The following BAZ1A variants were observed in gnomAD, a reference collection of about 807,000 sequenced individuals.
BAZ1A encodes bromodomain adjacent to zinc finger domain 1A.
Under a neutral mutation model 185.2 loss-of-function variants are expected in BAZ1A, and 50 were observed. The ratio of observed to expected loss-of-function variants is 0.27; its 90% CI spans 0.22 to 0.34. BAZ1A has a LOEUF of 0.34. Among genes scored for constraint, BAZ1A ranks in the 10% least tolerant of loss-of-function variants. The probability of loss-of-function intolerance (pLI) is 1.00; values close to 1 mark genes in which losing one functional copy is unlikely to be tolerated. For missense variants in BAZ1A, 1,356 were observed against 1,839.9 expected (o/e 0.74, Z 4.81); for synonymous variants, 571 against 615.6 (o/e 0.93, Z 1.07).
At chr14:34,865,651 T>C (rs1407358774) in intron 2 of BAZ1A, among the ~76,000 whole-genome samples, 1 of 152,158 alleles carries the variant, frequency 6.6e-6, no homozygotes, top group Non-Finnish European at 1.5e-5. Context: ...TCTACAGAAA[T>C]AGCATGCATA....
intron 25 of BAZ1A, among the ~76,000 whole-genome samples, chr14:34,757,961 A>T (rs1041441057): frequency 4.0e-5 from 6 of 150,886 alleles, no homozygotes; most frequent in Non-Finnish European, 8.9e-5. Context: ...GTTAGCCAGG[A>T]TGGTCTTGAT....
At chr14:34,782,009 A>T (rs1160148587) in intron 16 of BAZ1A, among the ~76,000 whole-genome samples, 1 of 152,202 alleles carries the variant, frequency 6.6e-6, no homozygotes, top group African/African-American at 2.4e-5. Flanking sequence ...ATTTGTGTAT[A>T]CATTTTTGGA....
At chr14:34,815,651 T>G (rs1396931293) in intron 4 of BAZ1A, among the ~76,000 whole-genome samples, 1 of 152,220 alleles carries the variant, frequency 6.6e-6, no homozygotes, top group Non-Finnish European at 1.5e-5. Flanking sequence ...CTACTTTGAT[T>G]TTACCATAAT....
chr14:34,840,212 G>A (rs969950689), intron 3 of BAZ1A, among the ~76,000 whole-genome samples: 2 of 152,092 alleles, frequency 1.3e-5, no homozygotes, highest in Non-Finnish European at 2.9e-5. Flanking sequence ...TAGAAGAAAA[G>A]CCACAGAGTT....
At chr14:34,790,264 G>A (rs1880756172) in intron 12 of BAZ1A, among the ~76,000 whole-genome samples, 1 of 151,762 alleles carries the variant, frequency 6.6e-6, no homozygotes, top group South Asian at 2.1e-4. Flanking sequence ...AAACTCCCAG[G>A]GTCAAACAAT....
chr14:34,871,919 G>C (rs2042954791), intron 2 of BAZ1A, among the ~76,000 whole-genome samples: 1 of 152,144 alleles, frequency 6.6e-6, no homozygotes, highest in African/African-American at 2.4e-5. Flanking sequence ...TTCCAGAGTT[G>C]TTCCAAAGGT....
chr14:34,859,962 G>A (rs564881401), intron 3 of BAZ1A, among the ~76,000 whole-genome samples: 3 of 152,190 alleles, frequency 2.0e-5, no homozygotes, highest in Admixed American at 6.5e-5. Flanking sequence ...AAGTGATCAT[G>A]GGAACAAAGG....
intron 16 of BAZ1A, 108 bp from the exon 17 acceptor site, chr14:34,780,418 G>A: frequency 9.0e-7 from 1 of 1,106,568 alleles, no homozygotes; most frequent in Non-Finnish European, 1.3e-6. Context: ...TTAGGAAGTA[G>A]TGAACAACAT....
At chr14:34,863,774 A>G (rs1293036826) in intron 2 of BAZ1A, among the ~76,000 whole-genome samples, 1 of 152,226 alleles carries the variant, frequency 6.6e-6, no homozygotes, top group East Asian at 1.9e-4. Context: ...TTCCCTATGG[A>G]GAAAGGAGGG....
chr14:34,870,102 GAGCCACCA>G (rs1370408365), intron 2 of BAZ1A, among the ~76,000 whole-genome samples: 3 of 152,182 alleles, frequency 2.0e-5, no homozygotes, highest in African/African-American at 7.2e-5. Context: ...TTGTTATTTT[GAGCCACCA>G]AGTTTTGGGG....
intron 17 of BAZ1A, 156 bp downstream of exon 17, chr14:34,780,030 C>T (rs1228536273): frequency 2.3e-6 from 2 of 872,548 alleles, no homozygotes; most frequent in Admixed American, 5.6e-5. Context: ...ATTTTTACAA[C>T]TCATCACAGC....
intron 16 of BAZ1A, 43 bp from the exon 17 acceptor site, chr14:34,780,353 A>G (rs748380069): frequency 1.3e-6 from 2 of 1,555,910 alleles, no homozygotes; most frequent in African/African-American, 1.4e-5. Flanking sequence ...ATGAATATAT[A>G]ATTCCATTTA....
At chr14:34,835,673 T>G (rs2042316852) in intron 3 of BAZ1A, among the ~76,000 whole-genome samples, 1 of 151,310 alleles carries the variant, frequency 6.6e-6, no homozygotes, top group South Asian at 2.1e-4. Flanking sequence ...GGAAATAGTT[T>G]TTTTTTTTTT....
At chr14:34,856,573 T>C (rs1347776906) in intron 3 of BAZ1A, among the ~76,000 whole-genome samples, 3 of 152,080 alleles carry the variant, frequency 2.0e-5, no homozygotes, top group Non-Finnish European at 4.4e-5. Context: ...GAAGCAATTA[T>C]GAGGCCGGGT....
At chr14:34,798,458 C>T (rs1352434576) in intron 9 of BAZ1A, among the ~76,000 whole-genome samples, 1 of 152,184 alleles carries the variant, frequency 6.6e-6, no homozygotes, top group East Asian at 1.9e-4. Flanking sequence ...GTAGGTGCCC[C>T]TCTGGGACAA....
intron 2 of BAZ1A, among the ~76,000 whole-genome samples, chr14:34,867,041 C>T (rs181008595): frequency 2.9e-4 from 44 of 151,864 alleles, no homozygotes; most frequent in African/African-American, 1.0e-3. Context: ...AGGCAGATCG[C>T]GAGGTCAGGA....
chr14:34,810,736 A>T (rs1247550437), intron 5 of BAZ1A, among the ~76,000 whole-genome samples, 199 bp downstream of exon 5: 2 of 152,142 alleles, frequency 1.3e-5, no homozygotes, highest in African/African-American at 4.8e-5. Context: ...CTAGGATTAC[A>T]GACATGAGCT....
intron 21 of BAZ1A, among the ~76,000 whole-genome samples, chr14:34,769,615 C>T (rs1433680648): frequency 1.3e-5 from 2 of 152,000 alleles, no homozygotes; most frequent in Non-Finnish European, 2.9e-5. Context: ...TTGATTTTCC[C>T]CCCTTCAACT....
At chr14:34,853,587 C>T (rs191424880) in intron 3 of BAZ1A, among the ~76,000 whole-genome samples, 2 of 152,178 alleles carry the variant, frequency 1.3e-5, no homozygotes, top group South Asian at 2.1e-4. Context: ...GAGTTTGAGA[C>T]CAACCTGGCC....
Sources: allele counts gnomAD v4.1 joint callset (sites outside exome capture counted in the v4.1 genomes callset), GRCh38; gene constraint gnomAD v4.1.1; transcripts MANE v1.5; gene names NCBI Gene and HGNC (gene_info 2026-07-23, HGNC 2026-07-21).